The following MDGA2 variants were observed in gnomAD, a reference collection of about 807,000 sequenced individuals.
The protein encoded by MDGA2 is MAM domain-containing glycosylphosphatidylinositol anchor protein 2.
Under a neutral mutation model 117.8 loss-of-function variants are expected in MDGA2, and 40 were observed. The ratio of observed to expected loss-of-function variants is 0.34; its 90% CI spans 0.26 to 0.44. The LOEUF is 0.44. MDGA2 is among the 20% of genes least tolerant of loss of function. The pLI is 1.00. For synonymous variants in MDGA2, 452 were observed against 439.0 expected, an observed-to-expected ratio of 1.03 and a Z score of -0.37; for missense variants, 1,123 against 1,250.6, an observed-to-expected ratio of 0.90 and a Z score of 1.54.
chr14:47,552,510 G>C (rs1895601849), intron 1 of MDGA2, among the ~76,000 whole-genome samples: 1 of 152,084 alleles, frequency 6.6e-6, no homozygotes, highest in Admixed American at 6.5e-5. Flanking sequence ...CAATCTTTCA[G>C]CAAATCCTAT....
chr14:47,364,850 T>A (rs1179421087), intron 1 of MDGA2, among the ~76,000 whole-genome samples: 1 of 152,202 alleles, frequency 6.6e-6, no homozygotes, highest in African/African-American at 2.4e-5. Context: ...TAGAGTTCAT[T>A]TTCCCCCATA....
intron 10 of MDGA2, among the ~76,000 whole-genome samples, chr14:46,887,167 T>G (rs1231162608): frequency 6.6e-6 from 1 of 151,938 alleles, no homozygotes; most frequent in African/African-American, 2.4e-5. Context: ...GCTCAGAAAA[T>G]TAAGAAAAAA....
Position 47,619,116 on chromosome 14 carries a change from T to TACACACACACAC in MDGA2, c.280+55389_280+55400dup, listed in dbSNP as rs1555336908. On this transcript the variant is annotated intron_variant, in intron 1 of 16. Coordinates refer to ENST00000399232, the MANE Select transcript of MDGA2 (RefSeq NM_001113498.3). ...TAGCATCTCTGAGCCTCAGTTTAAT[T>TACACACACACAC]ACACACACACACACACACACACACA... is the stretch of plus-strand genomic sequence containing the variant. 5.4e-4 allele frequency among the ~76,000 whole-genome samples: 49 copies of TACACACACACAC among 90,804 alleles called. No individual in the cohort carries two copies. In the East Asian group the frequency reaches 0.01, roughly 19 times the overall value. The allele number at this position is 90,804 out of a possible 152,430, so 59.6% of individuals were successfully genotyped here.
intron 1 of MDGA2, among the ~76,000 whole-genome samples, chr14:47,343,795 A>T (rs1890701850): frequency 6.6e-6 from 1 of 152,054 alleles, no homozygotes; most frequent in Non-Finnish European, 1.5e-5. Flanking sequence ...AACATTCACA[A>T]TTATATGAGC....
chr14:47,187,446 G>A (rs950337133), intron 3 of MDGA2, among the ~76,000 whole-genome samples: 50 of 151,964 alleles, frequency 3.3e-4, no homozygotes, highest in African/African-American at 1.1e-3. Context: ...TTTTTAGCAA[G>A]TAACTTTGAA....
intron 5 of MDGA2, among the ~76,000 whole-genome samples, chr14:47,102,892 A>C (rs1262299036): frequency 1.3e-5 from 2 of 152,226 alleles, no homozygotes; most frequent in Non-Finnish European, 2.9e-5. Context: ...GGACAGGAGG[A>C]AAGGCAAGAC....
intron 8 of MDGA2, among the ~76,000 whole-genome samples, chr14:47,022,259 T>C (rs1594536372): frequency 6.6e-6 from 1 of 152,062 alleles, no homozygotes; most frequent in East Asian, 1.9e-4. Context: ...CTAATTTTTG[T>C]AGTTTTTTGC....
intron 1 of MDGA2, among the ~76,000 whole-genome samples, chr14:47,315,621 T>A (rs1484450703): frequency 6.6e-6 from 1 of 152,106 alleles, no homozygotes; most frequent in African/African-American, 2.4e-5. Context: ...TCATTTGAAT[T>A]CTTTTCAATT....
Position 47,430,891 on chromosome 14 carries a change from G to T in MDGA2, c.281-129341C>A, listed in dbSNP as rs74794358. Among the ~76,000 whole-genome samples the T allele has an allele frequency of 8.5e-5, 13 of 152,174 alleles. No individual in the cohort carries two copies. The East Asian group carries it at 2.5e-3, about 29-fold the overall frequency. On this transcript the variant is annotated intron_variant, in intron 1 of 16. Coordinates refer to ENST00000399232, the MANE Select transcript of MDGA2 (RefSeq NM_001113498.3). ...TAATTCAGTTTCACTTTCATCAGCTGTAAAATGGTATCTATCTTATATGGT... is the reference window on the plus strand; with the variant it reads ...TAATTCAGTTTCACTTTCATCAGCTTTAAAATGGTATCTATCTTATATGGT...
chr14:47,440,677 TGTAGGCTTC>T (rs1892990088), intron 1 of MDGA2, among the ~76,000 whole-genome samples: 1 of 19,320 alleles, frequency 5.2e-5, no homozygotes, highest in Non-Finnish European at 1.1e-4. Flanking sequence ...CTACACTTTC[TGTAGGCTTC>T]TGTAGGCTTC....
chr14:47,116,267 C>T (rs1881326225), intron 5 of MDGA2, among the ~76,000 whole-genome samples: 1 of 151,908 alleles, frequency 6.6e-6, no homozygotes, highest in Admixed American at 6.6e-5. Flanking sequence ...TGAAACAGGG[C>T]ACAAACAAAT....
chr14:47,276,494 GT>G (rs775819220), intron 2 of MDGA2, among the ~76,000 whole-genome samples: 1 of 152,052 alleles, frequency 6.6e-6, no homozygotes, highest in East Asian at 1.9e-4. Context: ...GAGGTGTTTT[GT>G]TTAATTGAGT....
intron 6 of MDGA2, among the ~76,000 whole-genome samples, chr14:47,070,923 T>C (rs1289879319): frequency 1.3e-5 from 2 of 152,226 alleles, no homozygotes; most frequent in East Asian, 1.9e-4. Context: ...CAGTACTTCC[T>C]ATTAGTTCAC....
At chr14:47,308,502 GT>G (rs68070912) in intron 1 of MDGA2, among the ~76,000 whole-genome samples, 83,903 of 112,070 alleles carry the variant, frequency 0.75, 31,075 homozygotes, top group Admixed American at 0.81. Flanking sequence ...CTTTCTGTTA[GT>G]TTTTTTTTTT....
At chr14:47,435,711 C>T (rs1892883051) in intron 1 of MDGA2, among the ~76,000 whole-genome samples, 1 of 152,070 alleles carries the variant, frequency 6.6e-6, no homozygotes, top group South Asian at 2.1e-4. Flanking sequence ...GCTAGTCCTG[C>T]CAAACCTCTC....
chr14:47,045,905 C>A (rs1391224967), intron 7 of MDGA2, among the ~76,000 whole-genome samples: 2 of 149,558 alleles, frequency 1.3e-5, no homozygotes, highest in Non-Finnish European at 1.5e-5. Flanking sequence ...GCAGATGTTG[C>A]AATGAGCCGA....
At chr14:47,651,518 T>G (rs1165004351) in intron 1 of MDGA2, among the ~76,000 whole-genome samples, 1 of 152,072 alleles carries the variant, frequency 6.6e-6, no homozygotes, top group African/African-American at 2.4e-5. Context: ...CAAATTTATC[T>G]TCAGAGGAAT....
rs551696898 is a variant in MDGA2, at chr14:47,642,135, G to C, written c.280+32382C>G. ...TACAGATGTGAACTACTTTATTTAT[G>C]AATAAGGAATGGACTCTGGAGACAG... On this transcript the variant is annotated intron_variant, in intron 1 of 16. Transcript: ENST00000399232. 1.2e-4 allele frequency among the ~76,000 whole-genome samples: 18 copies of C among 152,140 alleles called. No homozygotes were observed. The South Asian group carries it at 3.3e-3, about 28-fold the overall frequency.
chr14:47,553,076 C>A (rs1895615434), intron 1 of MDGA2, among the ~76,000 whole-genome samples: 1 of 152,230 alleles, frequency 6.6e-6, no homozygotes, highest in Non-Finnish European at 1.5e-5. Context: ...CGGCCCTAAC[C>A]TGAGGCGGCC....
Sources: gnomAD v4.1 joint callset for allele counts (sites outside exome capture counted in the v4.1 genomes callset) on GRCh38, gnomAD v4.1.1 for gene constraint, MANE v1.5 for transcripts, NCBI Gene and HGNC (gene_info 2026-07-23, HGNC 2026-07-21) for gene names.